Variants in CACNB4 observed in about 807,000 individuals in gnomAD.
CACNB4 encodes the protein calcium voltage-gated channel auxiliary subunit beta 4, also known as voltage-dependent L-type calcium channel subunit beta-4.
A neutral mutation model predicts 71.2 loss-of-function variants in CACNB4; 32 were observed. The ratio of observed to expected loss-of-function variants is 0.45; its 90% CI spans 0.34 to 0.60. The LOEUF (loss-of-function observed/expected upper bound fraction) is 0.60, where lower values mean the gene tolerates loss of function less well. Among genes scored for constraint, CACNB4 ranks in the 20% least tolerant of loss-of-function variants. CACNB4 has a pLI of 0.01. For synonymous variants in CACNB4, 231 were observed against 236.9 expected (o/e 0.97, Z 0.23); for missense variants, 464 against 647.9 (o/e 0.72, Z 3.08).
intron 2 of CACNB4, among the ~76,000 whole-genome samples, chr2:152,044,047 T>C (rs945517341): frequency 8.6e-5 from 13 of 151,942 alleles, no homozygotes; most frequent in Admixed American, 6.6e-5. Context: ...CTCTTAAAAA[T>C]TTTTTTCAAA....
chr2:152,037,496 G>A lies in CACNB4; in HGVS notation c.147+60834C>T, dbSNP rs1253385186. On this transcript the variant is annotated intron_variant, in intron 2 of 13. Transcript: ENST00000539935. ...ACACCCTGCTTCTGCAAATGCTTACGTATCTGACTTGTTTTAAGGTATTTC... is the reference window on the plus strand; with the variant it reads ...ACACCCTGCTTCTGCAAATGCTTACATATCTGACTTGTTTTAAGGTATTTC... 3.9e-5 allele frequency among the ~76,000 whole-genome samples: 6 copies of A among 152,304 alleles called. No homozygotes were observed. The East Asian group carries it at 5.8e-4, about 15-fold the overall frequency.
At chr2:151,853,620 G>T in intron 11 of CACNB4, 77 bp from the exon 12 acceptor site, 1 of 785,038 alleles carries the variant, frequency 1.3e-6, no homozygotes, top group Non-Finnish European at 2.1e-6. Flanking sequence ...TCTTTTTAAT[G>T]GTCTGCTTGG....
intron 2 of CACNB4, among the ~76,000 whole-genome samples, chr2:152,028,415 C>G (rs566686544): frequency 2.2e-4 from 33 of 152,294 alleles, no homozygotes; most frequent in South Asian, 1.9e-3. Flanking sequence ...CCACTGATAC[C>G]TTCGTGTGTA....
intron 2 of CACNB4, among the ~76,000 whole-genome samples, chr2:152,073,942 AG>A (rs1686846743): frequency 6.6e-6 from 1 of 152,198 alleles, no homozygotes; most frequent in Non-Finnish European, 1.5e-5. Context: ...GGCAGGGGAT[AG>A]GGGCAGGCAG....
At chr2:151,847,322 C>A (rs1329483976) in intron 12 of CACNB4, among the ~76,000 whole-genome samples, 1 of 151,908 alleles carries the variant, frequency 6.6e-6, no homozygotes, top group East Asian at 1.9e-4. Flanking sequence ...CATGATTGCA[C>A]CACTGCACTC....
intron 9 of CACNB4, among the ~76,000 whole-genome samples, chr2:151,863,182 C>T (rs1327577252): frequency 1.3e-5 from 2 of 152,114 alleles, no homozygotes; most frequent in Non-Finnish European, 2.9e-5. Context: ...CCTCCCACCT[C>T]AGCCTCCCAA....
At chr2:151,927,946 C>T (rs1445788697) in intron 2 of CACNB4, among the ~76,000 whole-genome samples, 2 of 152,198 alleles carry the variant, frequency 1.3e-5, no homozygotes, top group African/African-American at 2.4e-5. Context: ...AATCTTTGCG[C>T]AGGCAGCAGC....
At chr2:152,057,690 C>T (rs1371548318) in intron 2 of CACNB4, among the ~76,000 whole-genome samples, 3 of 152,164 alleles carry the variant, frequency 2.0e-5, no homozygotes, top group Non-Finnish European at 4.4e-5. Flanking sequence ...CACATGCACA[C>T]ACAGAGGCAT....
intron 2 of CACNB4, among the ~76,000 whole-genome samples, chr2:152,066,493 A>G (rs538972994): frequency 8.0e-4 from 122 of 151,564 alleles, no homozygotes; most frequent in African/African-American, 2.7e-3. Context: ...GTCAGGAAAC[A>G]ACAGGTGCTG....
At chr2:152,021,161 C>T (rs1683643506) in intron 2 of CACNB4, among the ~76,000 whole-genome samples, 1 of 152,100 alleles carries the variant, frequency 6.6e-6, no homozygotes, top group Admixed American at 6.5e-5. Flanking sequence ...GCAGGGGAAT[C>T]GCTTGAACCC....
At chr2:151,920,312 CTTCTTCTT>C (rs373014249) in intron 2 of CACNB4, among the ~76,000 whole-genome samples, 7 of 112,050 alleles carry the variant, frequency 6.2e-5, no homozygotes, top group Non-Finnish European at 1.0e-4. Flanking sequence ...TCTTCTTCTT[CTTCTTCTT>C]TTTTTTTTTT....
intron 2 of CACNB4, among the ~76,000 whole-genome samples, chr2:151,927,057 A>C (rs1206627146): frequency 2.6e-5 from 4 of 152,234 alleles, no homozygotes; most frequent in African/African-American, 9.6e-5. Flanking sequence ...TATTCTGAGA[A>C]GGAGTCCACG....
chr2:151,843,453 C>A (rs2099836754), intron 12 of CACNB4, among the ~76,000 whole-genome samples: 2 of 152,016 alleles, frequency 1.3e-5, no homozygotes, highest in Admixed American at 6.5e-5. Context: ...TAGCTGGGAC[C>A]ACAGGCATGC....
intron 2 of CACNB4, among the ~76,000 whole-genome samples, chr2:152,066,395 GCTCA>G (rs1359832829): frequency 3.3e-5 from 5 of 152,124 alleles, no homozygotes; most frequent in African/African-American, 1.2e-4. Flanking sequence ...ATGAAAAAAT[GCTCA>G]CTATCACTGG....
Position 152,047,453 on chromosome 2 carries a change from C to A in CACNB4, c.147+50877G>T, listed in dbSNP as rs144802521. On this transcript the variant is annotated intron_variant, in intron 2 of 13. Transcript: ENST00000539935. ...CTTAACCAATTGCAAATCAAAAAAT[C>A]TTTGAATCCACATACGACCTGTAAC... Among the ~76,000 whole-genome samples, 1,150 of 152,330 alleles carry A rather than the reference C, an allele frequency of 7.5e-3. 10 individuals are homozygous for A. The highest frequency in any genetic ancestry group is 0.026 in the African/African-American group (1,070 of 41,558).
At chr2:151,876,586 T>C (rs781568878) in intron 4 of CACNB4, 30 bp from the exon 5 acceptor site, 5 of 1,382,272 alleles carry the variant, frequency 3.6e-6, no homozygotes, top group Admixed American at 2.2e-5. Flanking sequence ...TTGCTATCAA[T>C]AGTAATTCAC....
chr2:151,840,926 G>C (rs906740925), intron 13 of CACNB4, among the ~76,000 whole-genome samples: 1 of 152,260 alleles, frequency 6.6e-6, no homozygotes, highest in South Asian at 2.1e-4. Flanking sequence ...ATGTAGAAAG[G>C]CAGGCTCATT....
chr2:152,074,581 A>G (rs1267175554), intron 2 of CACNB4, among the ~76,000 whole-genome samples: 3 of 145,316 alleles, frequency 2.1e-5, no homozygotes, highest in Non-Finnish European at 3.0e-5. Flanking sequence ...CAGCATAATC[A>G]CTACTACCGT....
intron 2 of CACNB4, among the ~76,000 whole-genome samples, chr2:152,058,905 C>T (rs191351292): frequency 1.3e-5 from 2 of 152,344 alleles, no homozygotes; most frequent in Non-Finnish European, 2.9e-5. Context: ...CCTCTTGGTG[C>T]CTTTTGTCCC....
Sources: gnomAD v4.1 joint callset for allele counts (sites outside exome capture counted in the v4.1 genomes callset) on GRCh38, gnomAD v4.1.1 for gene constraint, MANE v1.5 for transcripts, NCBI Gene and HGNC (gene_info 2026-07-23, HGNC 2026-07-21) for gene names.